The following RPGRIP1L variants were observed in gnomAD, a reference collection of about 807,000 sequenced individuals.
RPGRIP1L encodes the protein protein fantom.
RPGRIP1L carries 131 observed loss-of-function variants against 160.4 expected under a neutral mutation model. The observed-to-expected ratio is 0.82, with a 90% CI of 0.71 to 0.94. The LOEUF is 0.94. Ranked by LOEUF, RPGRIP1L falls within the 40% of genes least tolerant of loss-of-function variation. RPGRIP1L has a pLI of 0.00. For missense variants in RPGRIP1L, 1,522 were observed against 1,535.8 expected, an observed-to-expected ratio of 0.99 and a Z score of 0.15; for synonymous variants, 510 against 515.8, an observed-to-expected ratio of 0.99 and a Z score of 0.15.
rs938662541 is a variant in RPGRIP1L, at chr16:53,642,648, T to C, written c.2684-1173A>G. On this transcript the variant is annotated intron_variant, in intron 17 of 26. Coordinates refer to ENST00000647211, the MANE Select transcript of RPGRIP1L (RefSeq NM_015272.5). ...AAATTGATCAAAGATACTGGATAAA[T>C]TGAGAAGCATTTACTCAAGAAAATC... 1.7e-4 allele frequency among the ~76,000 whole-genome samples: 26 copies of C among 152,192 alleles called. No homozygotes were observed. The South Asian group carries it at 2.5e-3, about 15-fold the overall frequency.
intron 24 of RPGRIP1L, among the ~76,000 whole-genome samples, chr16:53,615,688 G>A (rs538890929): frequency 6.6e-6 from 1 of 151,760 alleles, no homozygotes; most frequent in South Asian, 2.1e-4. Flanking sequence ...TGGTCAGGCT[G>A]GTCTCAAACT....
intron 5 of RPGRIP1L, among the ~76,000 whole-genome samples, chr16:53,687,330 G>A (rs1970089538): frequency 6.6e-6 from 1 of 152,076 alleles, no homozygotes; most frequent in South Asian, 2.1e-4. Flanking sequence ...GAAACCATGA[G>A]GCTTGGATTA....
chr16:53,642,599 G>T (rs548527129), intron 17 of RPGRIP1L, among the ~76,000 whole-genome samples: 1 of 152,244 alleles, frequency 6.6e-6, no homozygotes, highest in East Asian at 1.9e-4. Flanking sequence ...AAAATGGTCA[G>T]AAACAACCAT....
chr16:53,617,177 A>T (rs1041234594), intron 24 of RPGRIP1L, among the ~76,000 whole-genome samples: 1 of 151,168 alleles, frequency 6.6e-6, no homozygotes. Flanking sequence ...ACTTGAGCAT[A>T]TATCACAGTT....
intron 6 of RPGRIP1L, among the ~76,000 whole-genome samples, chr16:53,684,609 G>C (rs1422855423): frequency 6.6e-6 from 1 of 151,996 alleles, no homozygotes; most frequent in East Asian, 1.9e-4. Context: ...GGGGTTGGGG[G>C]GAGGGATAAC....
rs548278234 is a variant in RPGRIP1L at position 53,616,493 on chromosome 16, A to G, written c.3616+2532T>C. On this transcript the variant is annotated intron_variant, in intron 24 of 26. Coordinates refer to ENST00000647211, the MANE Select transcript of RPGRIP1L (RefSeq NM_015272.5). ...ATTTTTTCAGATATAACAGATATAA[A>G]ACAACATTAGTTTGCTTCTAAGCAC... Among the ~76,000 whole-genome samples, 4 of 150,796 alleles carry G rather than the reference A, an allele frequency of 2.7e-5. No individual in the cohort carries two copies. In the East Asian group the frequency reaches 7.7e-4, roughly 29 times the overall value.
Position 53,703,845 on chromosome 16 carries a change from G to A in RPGRIP1L, c.-50C>T, listed in dbSNP as rs1971758631. On this transcript the variant is annotated 5_prime_UTR_variant, in exon 1 of 27. Transcript: ENST00000647211. The stretch of plus-strand genomic sequence containing the variant: ...AGCTAGCTACCGTTGCTATAGCGCC[G>A]ACAGCGTGGCGGGCGGCTGGCCGAG... 1 of 478,610 alleles carries A rather than the reference G, an allele frequency of 2.1e-6. No homozygotes were observed. Among genetic ancestry groups the A allele is most frequent in the South Asian group, 2.2e-5 (1 of 45,736 alleles). 29.6% of individuals were successfully genotyped at this position (478,610 alleles called of 1,614,324 possible).
chr16:53,630,716 G>C (rs1567813358), intron 22 of RPGRIP1L, among the ~76,000 whole-genome samples: 1 of 151,992 alleles, frequency 6.6e-6, no homozygotes, highest in Non-Finnish European at 1.5e-5. Flanking sequence ...TTTCCAGTTT[G>C]ACATAAAATA....
At chr16:53,673,426 G>A (rs919128520) in intron 7 of RPGRIP1L, among the ~76,000 whole-genome samples, 7 of 152,098 alleles carry the variant, frequency 4.6e-5, no homozygotes, top group African/African-American at 1.2e-4. Context: ...GAAGGGATTC[G>A]CTGCCACATC....
At chr16:53,650,270 T>C (rs1047977020) in intron 15 of RPGRIP1L, among the ~76,000 whole-genome samples, 5 of 152,178 alleles carry the variant, frequency 3.3e-5, no homozygotes, top group Admixed American at 1.3e-4. Flanking sequence ...CCTTCTGCCA[T>C]GTTGCAGCAA....
Position 53,649,037 on chromosome 16 carries a change from C to T in RPGRIP1L, c.2231G>A (p.Arg744Gln), listed in dbSNP as rs2302677. The change falls in exon 16 of 27, where the codon CGA becomes CAA. Residue 744 changes from arginine to glutamine, a missense_variant. Transcript: ENST00000647211. ...AGCCTTTGCCCTTTCTCGATAAAGT[C>T]GAATTGCTTGATCCATGGGAACTCT... is the stretch of plus-strand genomic sequence containing the variant. ...RLRVPMDQAI[R>Q]LYRERAKALG... 0.038 allele frequency: 61,153 copies of T among 1,613,796 alleles called. 1,789 individuals carry two copies. The highest frequency in any genetic ancestry group is 0.13 in the East Asian group (5,995 of 44,856).
Position 53,696,151 on chromosome 16 carries a change from C to T in RPGRIP1L, c.230G>A (p.Arg77Lys). 1 of 1,613,642 alleles carries T rather than the reference C, an allele frequency of 6.2e-7. No homozygotes were observed. Among genetic ancestry groups the T allele is most frequent in the Non-Finnish European group, 8.5e-7 (1 of 1,179,814 alleles). The change falls in exon 3 of 27, where the codon AGA becomes AAA. Residue 77 changes from arginine (R) to lysine (K), a missense_variant and splice_region_variant. Transcript: ENST00000647211. ...AAAGCTAAAAGCTTTTTATCATAAC[C>T]TTTTAATTTTATCCTCCTGCTTGCG... ...HARKQEDKIK[R>K]MATKLIRLVN...
chr16:53,628,534 T>C (rs1455855665), intron 22 of RPGRIP1L: 1 of 152,194 alleles, frequency 6.6e-6, no homozygotes. Context: ...CTCATACAAG[T>C]TCTGATTAAA....
At chr16:53,673,147 T>G in intron 7 of RPGRIP1L, 131 bp from the exon 8 acceptor site, 1 of 867,912 alleles carries the variant, frequency 1.2e-6, no homozygotes, top group Non-Finnish European at 1.8e-6. Flanking sequence ...TACAGATTAT[T>G]TTTTACATAA....
At chr16:53,637,082 G>C (rs1052125654) in intron 21 of RPGRIP1L, among the ~76,000 whole-genome samples, 1 of 151,856 alleles carries the variant, frequency 6.6e-6, no homozygotes, top group African/African-American at 2.4e-5. Flanking sequence ...CTGCAGCCTC[G>C]AAGTCCTGGG....
chr16:53,680,348 TC>T (rs1357681866), intron 6 of RPGRIP1L, among the ~76,000 whole-genome samples: 2 of 152,040 alleles, frequency 1.3e-5, no homozygotes, highest in Non-Finnish European at 2.9e-5. Flanking sequence ...CAGTTACCCC[TC>T]CATCAGAGAA....
chr16:53,640,419 T>C (rs1265619638), intron 19 of RPGRIP1L, among the ~76,000 whole-genome samples: 1 of 152,210 alleles, frequency 6.6e-6, no homozygotes, highest in African/African-American at 2.4e-5. Flanking sequence ...TTTAAAGCCA[T>C]GTGACTGTAT....
At chr16:53,632,355 A>G (rs945794579) in intron 22 of RPGRIP1L, among the ~76,000 whole-genome samples, 1 of 152,240 alleles carries the variant, frequency 6.6e-6, no homozygotes, top group African/African-American at 2.4e-5. Context: ...AAAAGTAGGG[A>G]TAACTATAGA....
chr16:53,677,252 AT>A (rs1969254199), intron 6 of RPGRIP1L, among the ~76,000 whole-genome samples: 1 of 152,196 alleles, frequency 6.6e-6, no homozygotes, highest in Non-Finnish European at 1.5e-5. Flanking sequence ...CTTACGTAGT[AT>A]TTAGACAACA....
Sources: allele counts gnomAD v4.1 joint callset (sites outside exome capture counted in the v4.1 genomes callset), GRCh38; gene constraint gnomAD v4.1.1; transcripts MANE v1.5; gene names NCBI Gene and HGNC (gene_info 2026-07-23, HGNC 2026-07-21).